The following WWTR1 variants were observed in gnomAD, a reference collection of about 807,000 sequenced individuals.
WWTR1 encodes WW domain containing transcription regulator 1, also known as WW domain-containing transcription regulator protein 1.
A neutral mutation model predicts 40.1 loss-of-function variants in WWTR1; 13 were observed. That is an observed-to-expected ratio of 0.32 (90% CI 0.21 to 0.52). The LOEUF (loss-of-function observed/expected upper bound fraction) is 0.52, where lower values mean the gene tolerates loss of function less well. WWTR1 is among the 20% of genes least tolerant of loss of function. The pLI, the probability that WWTR1 is intolerant of heterozygous loss-of-function variation, is 0.97. For missense variants in WWTR1, 436 were observed against 523.1 expected, an observed-to-expected ratio of 0.83 and a Z score of 1.63; for synonymous variants, 230 against 210.1, an observed-to-expected ratio of 1.09 and a Z score of -0.82.
intron 2 of WWTR1, among the ~76,000 whole-genome samples, chr3:149,656,085 G>C (rs567753356): frequency 4.5e-4 from 69 of 152,154 alleles, no homozygotes; most frequent in Non-Finnish European, 7.6e-4. Context: ...TACCACAATT[G>C]AAACAACCTC....
chr3:149,567,158 A>G (rs964758065), intron 3 of WWTR1, among the ~76,000 whole-genome samples: 12 of 151,904 alleles, frequency 7.9e-5, no homozygotes, highest in Admixed American at 2.0e-4. Context: ...TCAGCACACC[A>G]TGGTTTATGA....
chr3:149,529,833 T>A (rs1238809154), intron 4 of WWTR1, among the ~76,000 whole-genome samples: 3 of 152,162 alleles, frequency 2.0e-5, no homozygotes, highest in Non-Finnish European at 4.4e-5. Context: ...ATGTATCTCA[T>A]CAATGGTAAA....
chr3:149,715,493 C>T (rs908822236), intron 5 of WWTR1, among the ~76,000 whole-genome samples: 3 of 152,226 alleles, frequency 2.0e-5, no homozygotes, highest in Admixed American at 6.5e-5. Context: ...GCGCAGTGGC[C>T]GGATCCCACG....
At chr3:149,658,379 CG>C (rs577974013), upstream of WWTR1, 210 of 152,512 alleles carry the variant, frequency 1.4e-3, 4 homozygotes, top group Non-Finnish European at 2.1e-3. Context: ...AAACCAAGGC[CG>C]GGGGTGGCGG....
chr3:149,656,771 TC>T lies in WWTR1; in HGVS notation c.431+104del, dbSNP rs1713235091. 18 of 936,476 alleles carry T rather than the reference TC, an allele frequency of 1.9e-5. No homozygotes were observed. In the African/African-American group the frequency reaches 2.7e-4, roughly 14 times the overall value. The allele number at this position is 936,476 out of a possible 1,614,324, so 58.0% of individuals were successfully genotyped here. A position where few individuals can be genotyped will look rare whatever the true frequency, so the allele number is the denominator to read the frequency against. ...CACGCACCATCTCTCTCTTTCTCTC[TC>T]TCTCTCTCTCTCTCTCTCTCACACA... On this transcript the variant is annotated intron_variant, in intron 2 of 6. Transcript: ENST00000360632.
At chr3:149,540,952 T>C (rs1736070683) in intron 4 of WWTR1, 1 of 447,848 alleles carries the variant, frequency 2.2e-6, no homozygotes, top group Admixed American at 2.5e-5. Context: ...ACATTATTCA[T>C]TCATGGAAGT....
At chr3:149,564,999 CAACGTGGTGAAAACCTACCTCTACTAA>C (rs1210042988) in intron 3 of WWTR1, among the ~76,000 whole-genome samples, 1 of 151,930 alleles carries the variant, frequency 6.6e-6, no homozygotes, top group African/African-American at 2.4e-5. Flanking sequence ...CTCACCTGGC[CAACGTGGTGAAAACCTACCTCTACTAA>C]AAAGTACAAA....
upstream of WWTR1, among the ~76,000 whole-genome samples, chr3:149,703,692 G>C (rs547660990): frequency 5.1e-4 from 77 of 152,172 alleles, no homozygotes; most frequent in African/African-American, 1.8e-3. Context: ...TAAGAGGGTT[G>C]GTGCTGTCCT....
intron 6 of WWTR1, among the ~76,000 whole-genome samples, chr3:149,523,336 C>T (rs1320888173): frequency 6.6e-6 from 1 of 152,030 alleles, no homozygotes; most frequent in Non-Finnish European, 1.5e-5. Flanking sequence ...GCAACCTCCG[C>T]CTCCTGGGTT....
intron 2 of WWTR1, among the ~76,000 whole-genome samples, chr3:149,599,847 C>A (rs991830694): frequency 6.6e-6 from 1 of 152,194 alleles, no homozygotes; most frequent in African/African-American, 2.4e-5. Context: ...TTTGAGACAT[C>A]TTTAAATAGC....
At chr3:149,571,214 CTTTTT>C (rs10535515) in intron 3 of WWTR1, among the ~76,000 whole-genome samples, 3 of 101,276 alleles carry the variant, frequency 3.0e-5, no homozygotes, top group Admixed American at 1.1e-4. Context: ...TTTTTCTTTT[CTTTTT>C]TTTTTTTTTT....
intron 3 of WWTR1, among the ~76,000 whole-genome samples, chr3:149,551,126 CA>C (rs1383728279): frequency 3.5e-5 from 5 of 143,742 alleles, no homozygotes; most frequent in African/African-American, 1.3e-4. Flanking sequence ...GGAGAAACCC[CA>C]TCTCTATTAA....
chr3:149,597,517 C>T (rs890442892), intron 2 of WWTR1, among the ~76,000 whole-genome samples: 3 of 151,078 alleles, frequency 2.0e-5, no homozygotes, highest in Non-Finnish European at 2.9e-5. Context: ...TGGCAGCGCA[C>T]ACCTGAAGTC....
At chr3:149,537,268 T>C (rs949613482) in intron 4 of WWTR1, among the ~76,000 whole-genome samples, 7 of 152,158 alleles carry the variant, frequency 4.6e-5, no homozygotes, top group African/African-American at 1.7e-4. Context: ...TTGGAATGGG[T>C]ACATACAAAG....
chr3:149,522,284 A>G (rs2107896949), intron 6 of WWTR1, among the ~76,000 whole-genome samples: 1 of 152,248 alleles, frequency 6.6e-6, no homozygotes, highest in Middle Eastern at 3.4e-3. Flanking sequence ...AGTTCACTTT[A>G]GCAATCTGTG....
chr3:149,556,452 G>A (rs1466671226), intron 3 of WWTR1, among the ~76,000 whole-genome samples: 4 of 152,162 alleles, frequency 2.6e-5, no homozygotes, highest in Non-Finnish European at 4.4e-5. Context: ...GGTGGCACGC[G>A]CCTGTAGTCC....
At chr3:149,584,790 T>C (rs930080584) in intron 2 of WWTR1, among the ~76,000 whole-genome samples, 2 of 152,214 alleles carry the variant, frequency 1.3e-5, no homozygotes, top group Non-Finnish European at 2.9e-5. Context: ...AAGAGACTAC[T>C]GTAAGTAACA....
At chr3:149,606,782 A>G (rs1739508965) in intron 2 of WWTR1, among the ~76,000 whole-genome samples, 1 of 152,240 alleles carries the variant, frequency 6.6e-6, no homozygotes, top group Non-Finnish European at 1.5e-5. Flanking sequence ...GCTTCCATAA[A>G]GAGAAGACCT....
chr3:149,643,811 G>A (rs1172291108), intron 2 of WWTR1, among the ~76,000 whole-genome samples: 1 of 152,088 alleles, frequency 6.6e-6, no homozygotes, highest in Non-Finnish European at 1.5e-5. Flanking sequence ...CTTGACCTCT[G>A]AGAAACACAC....
Sources: allele counts gnomAD v4.1 joint callset (sites outside exome capture counted in the v4.1 genomes callset), GRCh38; gene constraint gnomAD v4.1.1; transcripts MANE v1.5; gene names NCBI Gene and HGNC (gene_info 2026-07-23, HGNC 2026-07-21).